CNOT2: variants seen among roughly 807,000 people sequenced by gnomAD.
CNOT2 encodes the protein CC chemokine receptor 4-negative regulator of transcription 2.
Under a neutral mutation model 72.1 loss-of-function variants are expected in CNOT2, and 7 were observed. That is an observed-to-expected ratio of 0.10 (90% CI 0.06 to 0.18). The LOEUF (loss-of-function observed/expected upper bound fraction) is 0.18. CNOT2 is among the 10% of genes least tolerant of loss of function. The probability of loss-of-function intolerance (pLI) is 1.00; values close to 1 mark genes in which losing one functional copy is unlikely to be tolerated. For synonymous variants in CNOT2, 196 were observed against 225.6 expected (o/e 0.87, Z 1.17); for missense variants, 345 against 660.3 (o/e 0.52, Z 5.23).
At chr12:70,262,618 G>A (rs988319211) in intron 1 of CNOT2, among the ~76,000 whole-genome samples, 3 of 152,120 alleles carry the variant, frequency 2.0e-5, no homozygotes, top group Non-Finnish European at 2.9e-5. Flanking sequence ...TTTGCTAGCA[G>A]TGAATTCTGC....
chr12:70,264,960 C>T (rs192081032), intron 1 of CNOT2, among the ~76,000 whole-genome samples: 22 of 152,108 alleles, frequency 1.4e-4, no homozygotes, highest in African/African-American at 4.8e-4. Flanking sequence ...TGAATTTTGA[C>T]AATTAAGTCA....
chr12:70,345,571 G>T (rs999491675), intron 14 of CNOT2: 1 of 152,126 alleles, frequency 6.6e-6, no homozygotes, highest in Non-Finnish European at 1.5e-5. Context: ...TACTTCCTCA[G>T]TTTACAAGTA....
intron 2 of CNOT2, among the ~76,000 whole-genome samples, chr12:70,307,206 C>A: frequency 6.6e-6 from 1 of 152,230 alleles, no homozygotes; most frequent in Non-Finnish European, 1.5e-5. Context: ...AATTTTCATT[C>A]TCGAATAATG....
chr12:70,274,870 TTTG>T (rs2135791314), intron 1 of CNOT2, among the ~76,000 whole-genome samples: 1 of 152,142 alleles, frequency 6.6e-6, no homozygotes, highest in Non-Finnish European at 1.5e-5. Flanking sequence ...CTTCTTCCAT[TTTG>T]TTGTTGAGAG....
rs554730818 is a variant in CNOT2, at chr12:70,246,420, G to C, written c.-96+2940G>C. 3.3e-5 allele frequency among the ~76,000 whole-genome samples: 5 copies of C among 152,280 alleles called. No homozygotes were observed. In the South Asian group the frequency reaches 1.0e-3, roughly 32 times the overall value. On this transcript the variant is annotated intron_variant, in intron 1 of 15. Coordinates refer to ENST00000229195, the MANE Select transcript of CNOT2 (RefSeq NM_014515.7). ...GTGGATTTTGTAACACAAAGAGGCA[G>C]AATATCCAGGGTACCAGGTAGGGCA...
intron 2 of CNOT2, chr12:70,294,063 T>C: frequency 8.1e-7 from 1 of 1,239,878 alleles, no homozygotes; most frequent in Non-Finnish European, 1.1e-6. Context: ...TTTCCTTATT[T>C]TTCAAAGAGC....
intron 1 of CNOT2, among the ~76,000 whole-genome samples, chr12:70,257,536 ATT>A (rs889463708): frequency 7.1e-6 from 1 of 141,632 alleles, no homozygotes. Context: ...ATTTTTTTGT[ATT>A]TTTTTTTTTA....
intron 2 of CNOT2, among the ~76,000 whole-genome samples, chr12:70,299,370 C>T (rs1873433012): frequency 9.0e-6 from 1 of 110,810 alleles, no homozygotes; most frequent in Non-Finnish European, 1.9e-5. Context: ...CTGTCCCTCC[C>T]CCCTCCCCCC....
chr12:70,290,282 A>G (rs77557068), intron 2 of CNOT2, among the ~76,000 whole-genome samples: 1 of 150,764 alleles, frequency 6.6e-6, no homozygotes, highest in Non-Finnish European at 1.5e-5. Flanking sequence ...TGTGCTAATC[A>G]GTACTTAGCT....
chr12:70,349,903 G>A (rs2136091836), intron 15 of CNOT2, among the ~76,000 whole-genome samples: 1 of 152,236 alleles, frequency 6.6e-6, no homozygotes, highest in Non-Finnish European at 1.5e-5. Flanking sequence ...AGCTACTTGG[G>A]AGGCTGAGGT....
rs11412509 is a variant in CNOT2 at position 70,305,873 on chromosome 12, G to GTTTTTTT, written c.49-5007_49-5001dup. Among the ~76,000 whole-genome samples, 14 of 60,082 alleles carry GTTTTTTT rather than the reference G, an allele frequency of 2.3e-4. 1 individual carries two copies. Among genetic ancestry groups the GTTTTTTT allele is most frequent in the East Asian group, 2.1e-3 (3 of 1,434 alleles). The allele number at this position is 60,082 out of a possible 152,430, so 39.4% of individuals were successfully genotyped here. ...TTCTTGGTTATTTTATCTGAAGTTT[G>GTTTTTTT]TTTTTTTTTTTTTTTTTTTTTGGTA... On this transcript the variant is annotated intron_variant, in intron 2 of 15. Coordinates refer to ENST00000229195, the MANE Select transcript of CNOT2 (RefSeq NM_014515.7).
Position 70,259,736 on chromosome 12 carries a change from C to T in CNOT2, c.-96+16256C>T, listed in dbSNP as rs921235491. ...GTACTCTTCTAACTGGTGCCTGAAA[C>T]GTTTGTTGAATGAATGCATATAATA... On this transcript the variant is annotated intron_variant, in intron 1 of 15. Coordinates refer to ENST00000229195, the MANE Select transcript of CNOT2 (RefSeq NM_014515.7). 7.9e-5 allele frequency among the ~76,000 whole-genome samples: 12 copies of T among 152,266 alleles called. No homozygotes were observed. The South Asian group carries it at 1.2e-3, about 16-fold the overall frequency.
intron 2 of CNOT2, chr12:70,294,305 G>A: frequency 7.8e-7 from 1 of 1,289,204 alleles, no homozygotes; most frequent in Non-Finnish European, 1.0e-6. Context: ...GTAAGTATGT[G>A]GTGGGGAAAG....
At chr12:70,335,985 A>G (rs73324134) in intron 8 of CNOT2, 2,435 of 155,132 alleles carry the variant, frequency 0.016, 68 homozygotes, top group African/African-American at 0.056. Context: ...GTTTTTCTCA[A>G]CCTCCACACT....
In CNOT2 at chr12:70,243,484, A is replaced by C. The variant is rs12313723; in HGVS notation, c.-96+4A>C. ...GCGGGACAAGAAAATTCATGCGGTG[A>C]GTTTTTGGTAAATTTTCGGAAGTCT... On this transcript the variant is annotated splice_donor_region_variant and intron_variant, in intron 1 of 15. Transcript: ENST00000229195. 8.0e-4 allele frequency: 121 copies of C among 152,192 alleles called. No individual in the cohort carries two copies. The highest frequency in any genetic ancestry group is 2.7e-3 in the African/African-American group (113 of 41,300). The allele number at this position is 152,192 out of a possible 1,614,324, so 9.4% of individuals were successfully genotyped here. A position where few individuals can be genotyped will look rare whatever the true frequency, so the allele number is the denominator to read the frequency against.
chr12:70,247,146 G>T (rs1957914929), intron 1 of CNOT2, among the ~76,000 whole-genome samples: 2 of 151,884 alleles, frequency 1.3e-5, no homozygotes, highest in East Asian at 3.9e-4. Context: ...ACTTAACCCT[G>T]CACATTTTCT....
intron 2 of CNOT2, chr12:70,293,963 C>T (rs1356370805): frequency 2.1e-4 from 41 of 198,502 alleles, no homozygotes; most frequent in South Asian, 3.8e-4. Flanking sequence ...TTGAATTAGT[C>T]TGAAAGATGA....
At position 70,353,959 on chromosome 12, in the gene CNOT2, A is replaced by ATGGCTGTC. The variant is rs1883195778; in HGVS notation, c.*46_*53dup. On this transcript the variant is annotated 3_prime_UTR_variant, in exon 16 of 16. Transcript: ENST00000229195. ...AAAAAGACTTCCCTTTTCTTGGGGT[A>ATGGCTGTC]TGGCTGTCTCAGCACAATACTCAAC... 6.9e-7 allele frequency: 1 copy of ATGGCTGTC among 1,453,674 alleles called. No individual in the cohort carries two copies. Among genetic ancestry groups the ATGGCTGTC allele is most frequent in the East Asian group, 2.9e-5 (1 of 35,020 alleles). The allele number at this position is 1,453,674 out of a possible 1,614,324, so 90.0% of individuals were successfully genotyped here. A position where few individuals can be genotyped will look rare whatever the true frequency, so the allele number is the denominator to read the frequency against.
chr12:70,315,688 T>C lies in CNOT2; in HGVS notation c.172-3610T>C, dbSNP rs187642589. On this transcript the variant is annotated intron_variant, in intron 3 of 15. Transcript: ENST00000229195. ...AGTTGCTTCCTGGTTTTTATTGTTGTTGTTTGACTGCAGTGTGCATTGTAG... is the reference window on the plus strand; with the variant it reads ...AGTTGCTTCCTGGTTTTTATTGTTGCTGTTTGACTGCAGTGTGCATTGTAG... Among the ~76,000 whole-genome samples, 41 of 152,264 alleles carry C rather than the reference T, an allele frequency of 2.7e-4. No individual in the cohort carries two copies. The East Asian group carries it at 5.2e-3, about 19-fold the overall frequency.
Sources: allele counts gnomAD v4.1 joint callset (sites outside exome capture counted in the v4.1 genomes callset), GRCh38; gene constraint gnomAD v4.1.1; transcripts MANE v1.5; gene names NCBI Gene and HGNC (gene_info 2026-07-23, HGNC 2026-07-21).